The following NOS1AP variants were observed in gnomAD, a reference collection of about 807,000 sequenced individuals.
NOS1AP encodes the protein carboxyl-terminal PDZ ligand of neuronal nitric oxide synthase protein.
Under a neutral mutation model 56.2 loss-of-function variants are expected in NOS1AP, and 21 were observed. The observed-to-expected ratio is 0.37, with a 90% CI of 0.26 to 0.54. The LOEUF (loss-of-function observed/expected upper bound fraction) is 0.54. Among genes scored for constraint, NOS1AP ranks in the 20% least tolerant of loss-of-function variants. The probability of loss-of-function intolerance (pLI) is 0.84; values close to 1 mark genes in which losing one functional copy is unlikely to be tolerated. For missense variants in NOS1AP, 522 were observed against 657.8 expected, an observed-to-expected ratio of 0.79 and a Z score of 2.26; for synonymous variants, 270 against 274.6, an observed-to-expected ratio of 0.98 and a Z score of 0.17.
chr1:162,251,864 T>G (rs1423498753), intron 2 of NOS1AP, among the ~76,000 whole-genome samples: 2 of 99,976 alleles, frequency 2.0e-5, no homozygotes, highest in South Asian at 3.7e-4. Flanking sequence ...GTTGTTTTTT[T>G]TTTTGTTTTT....
intron 1 of NOS1AP, among the ~76,000 whole-genome samples, chr1:162,136,629 C>T (rs1649016440): frequency 2.6e-5 from 4 of 152,146 alleles, no homozygotes; most frequent in African/African-American, 7.2e-5. Context: ...TTTCTTTTCT[C>T]ATGTGCTGCA....
At chr1:162,250,180 A>G (rs1278203265) in intron 2 of NOS1AP, among the ~76,000 whole-genome samples, 5 of 152,156 alleles carry the variant, frequency 3.3e-5, no homozygotes, top group Admixed American at 3.3e-4. Context: ...CTAGGACCAA[A>G]CCAAATGCCC....
At chr1:162,155,110 G>A (rs1169964205) in intron 2 of NOS1AP, among the ~76,000 whole-genome samples, 2 of 151,706 alleles carry the variant, frequency 1.3e-5, no homozygotes, top group African/African-American at 2.4e-5. Context: ...TAGGGTATTC[G>A]AGGGTGGGTA....
intron 2 of NOS1AP, among the ~76,000 whole-genome samples, chr1:162,178,060 C>T (rs1651124582): frequency 6.6e-6 from 1 of 152,226 alleles, no homozygotes; most frequent in Non-Finnish European, 1.5e-5. Flanking sequence ...ATAATTTTGC[C>T]TTTTCCAGAA....
intron 4 of NOS1AP, among the ~76,000 whole-genome samples, chr1:162,328,983 G>GATGA (rs1656681186): frequency 6.6e-6 from 1 of 152,086 alleles, no homozygotes; most frequent in Non-Finnish European, 1.5e-5. Flanking sequence ...TTTACCTATA[G>GATGA]ATGAATAGTT....
chr1:162,098,632 A>G (rs1227500435), intron 1 of NOS1AP, among the ~76,000 whole-genome samples: 1 of 152,040 alleles, frequency 6.6e-6, no homozygotes, highest in African/African-American at 2.4e-5. Flanking sequence ...TAAGCCTAGC[A>G]TCCACGAGCT....
At chr1:162,120,421 G>T (rs762031028) in intron 1 of NOS1AP, among the ~76,000 whole-genome samples, 4 of 152,190 alleles carry the variant, frequency 2.6e-5, no homozygotes, top group Non-Finnish European at 5.9e-5. Context: ...TGAAGGAAAT[G>T]AGGAGAGAAT....
chr1:162,191,093 C>T (rs1329521284), intron 2 of NOS1AP, among the ~76,000 whole-genome samples: 1 of 152,130 alleles, frequency 6.6e-6, no homozygotes. Context: ...CAGAGTTGTT[C>T]CCTGGTCCAC....
In NOS1AP at chr1:162,370,036, C is replaced by T. The variant is rs2101836320; in HGVS notation, c.*2569C>T. On this transcript the variant is annotated 3_prime_UTR_variant, in exon 10 of 10. Transcript: ENST00000361897. ...CTTCTACTCTGCCCTATATGGAGGACAAATGGACACCAGGGGTGCTAACCT... is the reference window on the plus strand; with the variant it reads ...CTTCTACTCTGCCCTATATGGAGGATAAATGGACACCAGGGGTGCTAACCT... 1 of 152,324 alleles carries T rather than the reference C, an allele frequency of 6.6e-6. No homozygotes were observed. The highest frequency in any genetic ancestry group is 2.1e-4 in the South Asian group (1 of 4,824). 9.4% of individuals were successfully genotyped at this position (152,324 alleles called of 1,614,324 possible).
intron 3 of NOS1AP, 121 bp from the exon 4 acceptor site, chr1:162,300,512 A>G (rs937844599): frequency 2.4e-6 from 2 of 832,204 alleles, no homozygotes; most frequent in Admixed American, 1.7e-5. Flanking sequence ...AATCAACTCC[A>G]GGCCTCTTAG....
At chr1:162,349,176 A>G (rs1404448501) in intron 6 of NOS1AP, among the ~76,000 whole-genome samples, 1 of 152,002 alleles carries the variant, frequency 6.6e-6, no homozygotes, top group African/African-American at 2.4e-5. Context: ...AACAAGAGCG[A>G]AACTCCAACT....
chr1:162,236,729 C>T (rs1653303625), intron 2 of NOS1AP, among the ~76,000 whole-genome samples: 1 of 152,060 alleles, frequency 6.6e-6, no homozygotes. Context: ...TTCTGTTTCC[C>T]TTGGTTAGAA....
chr1:162,315,545 A>T (rs1656201142), intron 4 of NOS1AP, among the ~76,000 whole-genome samples: 1 of 152,190 alleles, frequency 6.6e-6, no homozygotes, highest in South Asian at 2.1e-4. Flanking sequence ...TGGAGAGGTG[A>T]GGATGACTGC....
intron 4 of NOS1AP, among the ~76,000 whole-genome samples, chr1:162,330,287 A>G (rs1193270383): frequency 6.6e-6 from 1 of 152,228 alleles, no homozygotes; most frequent in Admixed American, 6.5e-5. Flanking sequence ...CCTTCTAAGC[A>G]GGCAAGGAAC....
At chr1:162,240,244 AGTGTGTGTGTGTGTGT>A (rs5778260) in intron 2 of NOS1AP, among the ~76,000 whole-genome samples, 3,869 of 141,290 alleles carry the variant, frequency 0.027, 73 homozygotes, top group Non-Finnish European at 0.038. Flanking sequence ...CTGTGTGGCC[AGTGTGTGTGTGTGTGT>A]GTGTGTGTGT....
At chr1:162,195,341 T>C (rs1411491357) in intron 2 of NOS1AP, among the ~76,000 whole-genome samples, 2 of 151,984 alleles carry the variant, frequency 1.3e-5, no homozygotes, top group Non-Finnish European at 1.5e-5. Context: ...CATTTATCAC[T>C]CTGTCCTTTA....
intron 4 of NOS1AP, among the ~76,000 whole-genome samples, chr1:162,331,828 G>A (rs1656779638): frequency 8.1e-6 from 1 of 124,030 alleles, no homozygotes; most frequent in Non-Finnish European, 1.8e-5. Flanking sequence ...AGACCTGGAG[G>A]CCCTGGGGGG....
chr1:162,352,017 G>A (rs1657514862), intron 6 of NOS1AP, among the ~76,000 whole-genome samples: 1 of 151,930 alleles, frequency 6.6e-6, no homozygotes, highest in Non-Finnish European at 1.5e-5. Context: ...TCTTGACTCT[G>A]CTAGCTGCTT....
At chr1:162,101,484 T>A (rs910361456) in intron 1 of NOS1AP, among the ~76,000 whole-genome samples, 3 of 152,316 alleles carry the variant, frequency 2.0e-5, no homozygotes, top group African/African-American at 4.8e-5. Flanking sequence ...TCAATGGTAG[T>A]TTAATGGGAA....
Sources: allele counts gnomAD v4.1 joint callset (sites outside exome capture counted in the v4.1 genomes callset), GRCh38; gene constraint gnomAD v4.1.1; transcripts MANE v1.5; gene names NCBI Gene and HGNC (gene_info 2026-07-23, HGNC 2026-07-21).